DNAH7: variants seen among roughly 807,000 people sequenced by gnomAD.
DNAH7 encodes the protein axonemal beta dynein heavy chain 7.
In DNAH7, 397 loss-of-function variants were observed where a neutral mutation model predicts 444.6. The observed-to-expected ratio is 0.89, with a 90% CI of 0.82 to 0.97. The LOEUF is 0.97. Ranked by LOEUF, DNAH7 falls within the 50% of genes least tolerant of loss-of-function variation. The pLI, the probability that DNAH7 is intolerant of heterozygous loss-of-function variation, is 0.00. For missense variants in DNAH7, 4,902 were observed against 4,800.8 expected (o/e 1.02, Z -0.62); for synonymous variants, 1,636 against 1,624.4 (o/e 1.01, Z -0.17).
chr2:196,018,535 A>C (rs1241580943), intron 9 of DNAH7, among the ~76,000 whole-genome samples: 1 of 152,172 alleles, frequency 6.6e-6, no homozygotes, highest in Non-Finnish European at 1.5e-5. Context: ...CTTGGAATTC[A>C]AAGTAATTCC....
chr2:195,913,327 T>C (rs580340), intron 24 of DNAH7, among the ~76,000 whole-genome samples: 12 of 152,274 alleles, frequency 7.9e-5, no homozygotes, highest in African/African-American at 2.6e-4. Flanking sequence ...TTAAGCAAAA[T>C]AGGCATTCTT....
intron 54 of DNAH7, among the ~76,000 whole-genome samples, chr2:195,800,971 T>C (rs1696419871): frequency 6.6e-6 from 1 of 152,210 alleles, no homozygotes; most frequent in African/African-American, 2.4e-5. Context: ...TATCCAGTAC[T>C]TCTGTGCTGA....
chr2:195,815,915 C>CCCGGGAGGCGGAGTTT (rs1287799609), intron 51 of DNAH7, among the ~76,000 whole-genome samples: 12 of 152,164 alleles, frequency 7.9e-5, no homozygotes, highest in African/African-American at 2.7e-4. Flanking sequence ...ATGGTGTGAA[C>CCCGGGAGGCGGAGTTT]CCGGGAGGCG....
intron 54 of DNAH7, among the ~76,000 whole-genome samples, chr2:195,803,648 G>A (rs1696576864): frequency 6.6e-6 from 1 of 152,192 alleles, no homozygotes. Context: ...CCCACAGGCA[G>A]GGAAGAAGTC....
rs1559059472 is a variant in DNAH7, at chr2:195,738,077, A to G, written c.11919T>C (p.Tyr3973=). Reference sequence around the variant, plus strand: ...CACTTGTCTTATACAATGGAGCAACATAACTTGGCCGTTTTGGTATATCTG... The same window carrying G: ...CACTTGTCTTATACAATGGAGCAACGTAACTTGGCCGTTTTGGTATATCTG... ...KRADIPKRPS[Y]VAPLYKTSER... is the part of the protein sequence containing the mutation. Residue 3973 remains tyrosine, a synonymous_variant, in exon 65 of 65, where the codon TAT becomes TAC. Coordinates refer to ENST00000312428, the MANE Select transcript of DNAH7 (RefSeq NM_018897.3). 6.2e-7 allele frequency: 1 copy of G among 1,614,000 alleles called. No individual in the cohort carries two copies. Among genetic ancestry groups the G allele is most frequent in the Non-Finnish European group, 8.5e-7 (1 of 1,179,864 alleles).
intron 63 of DNAH7, among the ~76,000 whole-genome samples, chr2:195,752,346 A>C (rs1574372388): frequency 6.6e-6 from 1 of 151,164 alleles, no homozygotes; most frequent in East Asian, 1.9e-4. Context: ...CAGATGAGGG[A>C]GCAGAAGAAC....
chr2:196,035,758 G>T (rs1401728), intron 5 of DNAH7, among the ~76,000 whole-genome samples: 6,694 of 152,242 alleles, frequency 0.044, 341 homozygotes, highest in African/African-American at 0.12. Flanking sequence ...CAGGAAAAAT[G>T]TAAGTGAGGT....
intron 55 of DNAH7, 31 bp from the exon 56 acceptor site, chr2:195,796,768 A>T: frequency 6.4e-7 from 1 of 1,574,652 alleles, no homozygotes; most frequent in East Asian, 2.3e-5. Flanking sequence ...GATGTTATTT[A>T]AAATCACATT....
intron 64 of DNAH7, among the ~76,000 whole-genome samples, chr2:195,739,518 A>G (rs1692861898): frequency 6.6e-6 from 1 of 152,204 alleles, no homozygotes; most frequent in Non-Finnish European, 1.5e-5. Context: ...ATATTTTACA[A>G]AGCTTAATCT....
chr2:195,998,965 C>G (rs1693874113), intron 12 of DNAH7: 1 of 609,138 alleles, frequency 1.6e-6, no homozygotes, highest in Non-Finnish European at 3.0e-6. Context: ...CAGAAGTGAG[C>G]AGCTGCCCTG....
intron 46 of DNAH7, among the ~76,000 whole-genome samples, chr2:195,851,421 T>C (rs944948110): frequency 1.3e-5 from 2 of 152,200 alleles, no homozygotes; most frequent in African/African-American, 4.8e-5. Flanking sequence ...ACTACTTGAA[T>C]CAAGGGTTCA....
chr2:196,059,703 C>A (rs142579446), intron 1 of DNAH7, among the ~76,000 whole-genome samples: 1 of 152,204 alleles, frequency 6.6e-6, no homozygotes, highest in South Asian at 2.1e-4. Flanking sequence ...GTTTCACTTA[C>A]ATCACAGAGG....
intron 63 of DNAH7, among the ~76,000 whole-genome samples, chr2:195,743,057 C>T (rs759412971): frequency 1.3e-5 from 2 of 152,176 alleles, no homozygotes; most frequent in Non-Finnish European, 2.9e-5. Flanking sequence ...TTGGAAAGAG[C>T]AGACTTGCTA....
chr2:195,973,828 C>T (rs1331303505), intron 15 of DNAH7, among the ~76,000 whole-genome samples: 1 of 152,090 alleles, frequency 6.6e-6, no homozygotes, highest in Non-Finnish European at 1.5e-5. Context: ...TGGCTCATGC[C>T]TGTAACCCTA....
intron 6 of DNAH7, 121 bp from the exon 7 acceptor site, chr2:196,027,061 G>T: frequency 1.4e-6 from 1 of 699,904 alleles, no homozygotes. Context: ...GCATAAAAAA[G>T]TATTTGGTAC....
chr2:195,798,781 C>T (rs937929695), intron 55 of DNAH7, among the ~76,000 whole-genome samples: 2 of 151,902 alleles, frequency 1.3e-5, no homozygotes, highest in African/African-American at 2.4e-5. Flanking sequence ...GTCCTGACCT[C>T]GTGATCTGCC....
At chr2:195,752,733 A>C (rs559783702) in intron 63 of DNAH7, among the ~76,000 whole-genome samples, 83 of 152,300 alleles carry the variant, frequency 5.4e-4, no homozygotes, top group African/African-American at 1.8e-3. Context: ...AGAGAGAAGC[A>C]TGTCTCTACA....
At chr2:195,847,112 G>GATATCGGATATATATATATCTTATATAT (rs1699044777) in intron 46 of DNAH7, among the ~76,000 whole-genome samples, 6 of 140,756 alleles carry the variant, frequency 4.3e-5, no homozygotes, top group African/African-American at 1.7e-4. Context: ...CAGATGGTGG[G>GATATCGGATATATATATATCTTATATAT]ATATCGGATA....
intron 19 of DNAH7, among the ~76,000 whole-genome samples, chr2:195,952,461 T>G (rs962377821): frequency 1.4e-4 from 21 of 152,326 alleles, no homozygotes; most frequent in African/African-American, 4.8e-4. Flanking sequence ...TTCCTGAATT[T>G]GAATGTTGGC....
Sources: gnomAD v4.1 joint callset for allele counts (sites outside exome capture counted in the v4.1 genomes callset) on GRCh38, gnomAD v4.1.1 for gene constraint, MANE v1.5 for transcripts, NCBI Gene and HGNC (gene_info 2026-07-23, HGNC 2026-07-21) for gene names.